Variants in ATRNL1 observed in about 807,000 individuals in gnomAD.
ATRNL1 encodes attractin like 1.
ATRNL1 carries 95 observed loss-of-function variants against 182.7 expected under a neutral mutation model. That is an observed-to-expected ratio of 0.52 (90% CI 0.44 to 0.62). The LOEUF (loss-of-function observed/expected upper bound fraction) is 0.62. Among genes scored for constraint, ATRNL1 ranks in the 20% least tolerant of loss-of-function variants. The probability of loss-of-function intolerance (pLI) is 0.00; values close to 1 mark genes in which losing one functional copy is unlikely to be tolerated. For synonymous variants in ATRNL1, 576 were observed against 568.3 expected (o/e 1.01, Z -0.19); for missense variants, 1,471 against 1,679.5 (o/e 0.88, Z 2.17).
intron 27 of ATRNL1, among the ~76,000 whole-genome samples, chr10:115,811,060 GGGAA>G (rs1950036208): frequency 6.6e-6 from 1 of 151,764 alleles, no homozygotes; most frequent in African/African-American, 2.4e-5. Flanking sequence ...TGTCCTAGGA[GGGAA>G]GCTTGGAACA....
rs111301898 is a variant in ATRNL1, at chr10:115,408,560, T to C, written c.3269+13808T>C. Among the ~76,000 whole-genome samples, 799 of 152,252 alleles carry C rather than the reference T, an allele frequency of 5.2e-3. 7 individuals carry two copies. The highest frequency in any genetic ancestry group is 0.017 in the African/African-American group (710 of 41,556). On this transcript the variant is annotated intron_variant, in intron 20 of 28. Transcript: ENST00000355044. The stretch of plus-strand genomic sequence containing the variant: ...GATTGTTTCCTTTGCTGTGCAGAAG[T>C]TTTTTATCTTGATATAGTTATATTT...
At chr10:115,336,977 C>CT (rs1434861572) in intron 19 of ATRNL1, among the ~76,000 whole-genome samples, 10 of 16,122 alleles carry the variant, frequency 6.2e-4, no homozygotes, top group South Asian at 5.7e-3. Context: ...TCCCAAGTAG[C>CT]TGGGGGGGGG....
At chr10:115,531,208 C>A (rs1554988153) in intron 25 of ATRNL1, among the ~76,000 whole-genome samples, 1 of 152,034 alleles carries the variant, frequency 6.6e-6, no homozygotes, top group East Asian at 1.9e-4. Flanking sequence ...GCCACACTGA[C>A]TTCCACAATG....
chr10:115,241,763 C>G, intron 10 of ATRNL1, 38 bp downstream of exon 10: 1 of 1,542,794 alleles, frequency 6.5e-7, no homozygotes, highest in Non-Finnish European at 8.9e-7. Flanking sequence ...TAGGAAATAT[C>G]AGAAATTTTC....
intron 20 of ATRNL1, among the ~76,000 whole-genome samples, chr10:115,415,104 T>G (rs1845326023): frequency 6.6e-6 from 1 of 152,064 alleles, no homozygotes; most frequent in South Asian, 2.1e-4. Flanking sequence ...TGTAGTTTTT[T>G]AGATATTGTC....
chr10:115,880,216 C>T (rs560126555), intron 28 of ATRNL1, among the ~76,000 whole-genome samples: 28 of 152,308 alleles, frequency 1.8e-4, no homozygotes, highest in South Asian at 1.2e-3. Flanking sequence ...AGCCTGCTGT[C>T]GCAAGGACCC....
chr10:115,325,085 A>G (rs898907448), intron 18 of ATRNL1, among the ~76,000 whole-genome samples: 2 of 152,066 alleles, frequency 1.3e-5, no homozygotes, highest in East Asian at 3.8e-4. Context: ...CAGAGTAACT[A>G]TTTTTCAAAA....
At chr10:115,591,471 G>A (rs782664235) in intron 26 of ATRNL1, among the ~76,000 whole-genome samples, 1 of 152,124 alleles carries the variant, frequency 6.6e-6, no homozygotes, top group Non-Finnish European at 1.5e-5. Flanking sequence ...CACCACTCTG[G>A]AATGTAAATA....
At chr10:115,839,197 G>A (rs1308067521) in intron 27 of ATRNL1, among the ~76,000 whole-genome samples, 4 of 152,100 alleles carry the variant, frequency 2.6e-5, no homozygotes, top group African/African-American at 9.7e-5. Context: ...TAACAGATTT[G>A]ACTAATAGTT....
intron 17 of ATRNL1, among the ~76,000 whole-genome samples, chr10:115,306,041 C>T (rs114759994): frequency 0.012 from 1,783 of 152,238 alleles, 31 homozygotes; most frequent in African/African-American, 0.04. Context: ...ATACTCTTAA[C>T]AACTTTCTAA....
At chr10:115,851,491 T>A (rs1555100509) in intron 28 of ATRNL1, among the ~76,000 whole-genome samples, 1 of 152,180 alleles carries the variant, frequency 6.6e-6, no homozygotes, top group Non-Finnish European at 1.5e-5. Flanking sequence ...ATGTGTGAAC[T>A]CCCTTCCTTA....
At chr10:115,460,453 G>T (rs376018407) in intron 21 of ATRNL1, among the ~76,000 whole-genome samples, 8 of 151,780 alleles carry the variant, frequency 5.3e-5, no homozygotes, top group African/African-American at 9.7e-5. Flanking sequence ...TCTTAAAAAG[G>T]CTGCATTCTT....
At chr10:115,274,598 G>A (rs1392559634) in intron 13 of ATRNL1, among the ~76,000 whole-genome samples, 1 of 152,160 alleles carries the variant, frequency 6.6e-6, no homozygotes, top group African/African-American at 2.4e-5. Context: ...CAATCTATGT[G>A]ATGTTATCAA....
chr10:115,589,970 G>A (rs1555011676), intron 26 of ATRNL1, among the ~76,000 whole-genome samples: 2 of 152,086 alleles, frequency 1.3e-5, no homozygotes. Context: ...CTTTGTGTTG[G>A]TTGTCTGTAA....
At chr10:115,696,107 C>G (rs1946549889) in intron 26 of ATRNL1, among the ~76,000 whole-genome samples, 1 of 152,206 alleles carries the variant, frequency 6.6e-6, no homozygotes, top group East Asian at 1.9e-4. Flanking sequence ...ACCATGTTAG[C>G]CAGGATGGTC....
intron 28 of ATRNL1, among the ~76,000 whole-genome samples, chr10:115,887,532 G>A (rs1414742662): frequency 1.3e-5 from 2 of 152,056 alleles, no homozygotes. Flanking sequence ...CTCTGCCCTT[G>A]TGACCTAATC....
At chr10:115,691,146 T>C (rs781910483) in intron 26 of ATRNL1, among the ~76,000 whole-genome samples, 1 of 152,174 alleles carries the variant, frequency 6.6e-6, no homozygotes, top group South Asian at 2.1e-4. Flanking sequence ...CCAATGTCTG[T>C]AGTTAGCCAT....
chr10:115,696,601 T>A (rs1042415830), intron 26 of ATRNL1, among the ~76,000 whole-genome samples: 6 of 152,202 alleles, frequency 3.9e-5, no homozygotes, highest in African/African-American at 1.4e-4. Flanking sequence ...TCTTCCACAA[T>A]GGTTGAACTA....
chr10:115,343,315 ATCT>A (rs1855833200), intron 19 of ATRNL1, among the ~76,000 whole-genome samples: 1 of 151,772 alleles, frequency 6.6e-6, no homozygotes, highest in African/African-American at 2.4e-5. Context: ...ATTGTTTTTA[ATCT>A]TCTTCTTTTG....
Sources: gnomAD v4.1 joint callset for allele counts (sites outside exome capture counted in the v4.1 genomes callset) on GRCh38, gnomAD v4.1.1 for gene constraint, MANE v1.5 for transcripts, NCBI Gene and HGNC (gene_info 2026-07-23, HGNC 2026-07-21) for gene names.